WRN: variants seen among roughly 807,000 people sequenced by gnomAD.
WRN encodes bifunctional 3'-5' exonuclease/ATP-dependent helicase WRN.
WRN carries 149 observed loss-of-function variants against 180.7 expected under a neutral mutation model. The observed-to-expected ratio is 0.82, with a 90% CI of 0.72 to 0.94. The LOEUF is 0.94. WRN is among the 40% of genes least tolerant of loss of function. The pLI, the probability that WRN is intolerant of heterozygous loss-of-function variation, is 0.00. For missense variants in WRN, 1,661 were observed against 1,700.1 expected (o/e 0.98, Z 0.40); for synonymous variants, 548 against 568.9 (o/e 0.96, Z 0.52).
rs749035826 is a variant in WRN at position 31,081,120 on chromosome 8, A to C, written c.1093A>C (p.Asn365His). ...ACATGATGGAGAAGATGTACTTGGAAATAAAGTGGAACGAAAAGAAGATGG... is the reference window on the plus strand; with the variant it reads ...ACATGATGGAGAAGATGTACTTGGACATAAAGTGGAACGAAAAGAAGATGG... ...AKHDGEDVLG[N>H]KVERKEDGFE... Residue 365 changes from asparagine (N) to histidine (H), a missense_variant, in exon 9 of 35, where the codon AAT becomes CAT. This residue lies in a region of WRN where 500 missense variants were observed against 504.1 expected (regional missense o/e 0.99). Transcript: ENST00000298139. 23 of 1,613,974 alleles carry C rather than the reference A, an allele frequency of 1.4e-5. No individual in the cohort carries two copies. The East Asian group carries it at 5.1e-4, about 36-fold the overall frequency.
At chr8:31,052,159 A>C (rs1433481858) in intron 1 of WRN, among the ~76,000 whole-genome samples, 3 of 152,220 alleles carry the variant, frequency 2.0e-5, no homozygotes, top group Non-Finnish European at 4.4e-5. Context: ...AGTATGAAAA[A>C]ATATAGCCTT....
rs201870156 is a variant in WRN, at chr8:31,067,193, A to C, written c.654+11A>C. ...GCCACTGATGCTTATGTACGTGCTTAAAGATCTTTAGAAATTGTGATGTGT... is the reference window on the plus strand; with the variant it reads ...GCCACTGATGCTTATGTACGTGCTTCAAGATCTTTAGAAATTGTGATGTGT... On this transcript the variant is annotated intron_variant, in intron 6 of 34. Coordinates refer to ENST00000298139, the MANE Select transcript of WRN (RefSeq NM_000553.6). 2.5e-6 allele frequency: 4 copies of C among 1,613,184 alleles called. No individual in the cohort carries two copies. The East Asian group carries it at 6.7e-5, about 27-fold the overall frequency.
rs145184735 is a variant in WRN, at chr8:31,066,194, T to C, written c.505-839T>C. On this transcript the variant is annotated intron_variant, in intron 5 of 34. Transcript: ENST00000298139. The stretch of plus-strand genomic sequence containing the variant: ...CACCTGGCCGGCAGACAGTTTCTTT[T>C]TTTCTTTTTGAGACAGAGTCTTGCT... Among the ~76,000 whole-genome samples, 714 of 151,144 alleles carry C rather than the reference T, an allele frequency of 4.7e-3. 4 individuals carry two copies. The highest frequency in any genetic ancestry group is 0.014 in the Middle Eastern group (4 of 290).
intron 5 of WRN, 22 bp downstream of exon 5, chr8:31,065,085 T>C: frequency 6.2e-7 from 1 of 1,603,782 alleles, no homozygotes; most frequent in Non-Finnish European, 8.5e-7. Flanking sequence ...ATATATATAA[T>C]TTTCATGATG....
chr8:31,126,785 C>A (rs564185761), intron 23 of WRN, among the ~76,000 whole-genome samples: 5 of 151,944 alleles, frequency 3.3e-5, no homozygotes, highest in Non-Finnish European at 5.9e-5. Context: ...TAGAGAAAAT[C>A]AACTCAAAAG....
chr8:31,044,342 CT>C lies in WRN; in HGVS notation c.-77+10393del, dbSNP rs34518426. Among the ~76,000 whole-genome samples, 401 of 68,310 alleles carry C rather than the reference CT, an allele frequency of 5.9e-3. 2 individuals are homozygous for C. Among genetic ancestry groups the C allele is most frequent in the African/African-American group, 0.02 (373 of 18,598 alleles). 44.8% of individuals were successfully genotyped at this position (68,310 alleles called of 152,430 possible). On this transcript the variant is annotated intron_variant, in intron 1 of 34. Coordinates refer to ENST00000298139, the MANE Select transcript of WRN (RefSeq NM_000553.6). ...AGGCGTGAGCCGCTTGCCCGACCTTCTTTTTTTTTTTTTTTTTTTTTTTTGA... is the reference window on the plus strand; with the variant it reads ...AGGCGTGAGCCGCTTGCCCGACCTTCTTTTTTTTTTTTTTTTTTTTTTTGA...
At chr8:31,123,375 G>A (rs1438835992) in intron 21 of WRN, among the ~76,000 whole-genome samples, 2 of 151,980 alleles carry the variant, frequency 1.3e-5, no homozygotes, top group African/African-American at 4.8e-5. Context: ...ACTATTCTGC[G>A]GCTTCAGGCA....
At position 31,174,882 on chromosome 8, in the gene WRN, T is replaced by TTC. The variant is rs368098518; in HGVS notation, c.*1796_*1797dup. 6.7e-5 allele frequency among the ~76,000 whole-genome samples: 9 copies of TTC among 134,978 alleles called. No homozygotes were observed. Among genetic ancestry groups the TTC allele is most frequent in the East Asian group, 2.4e-4 (1 of 4,164 alleles). 88.6% of individuals were successfully genotyped at this position (134,978 alleles called of 152,430 possible). A position where few individuals can be genotyped will look rare whatever the true frequency, so the allele number is the denominator to read the frequency against. ...TTTTTCTTTCTCTTTCTTTCTTTCTTTCTCTCTCTCTCTCTCTTTCTTTCT... is the reference window on the plus strand; with the variant it reads ...TTTTTCTTTCTCTTTCTTTCTTTCTTTCTCTCTCTCTCTCTCTCTTTCTTTCT... On this transcript the variant is annotated 3_prime_UTR_variant, in exon 35 of 35. Coordinates refer to ENST00000298139, the MANE Select transcript of WRN (RefSeq NM_000553.6).
At chr8:31,168,960 G>T (rs955072751) in intron 34 of WRN, among the ~76,000 whole-genome samples, 2 of 151,928 alleles carry the variant, frequency 1.3e-5, no homozygotes, top group Non-Finnish European at 2.9e-5. Flanking sequence ...AATATCCATA[G>T]GTACATGGTG....
At chr8:31,125,903 C>G (rs1366454417) in intron 23 of WRN, among the ~76,000 whole-genome samples, 4 of 150,888 alleles carry the variant, frequency 2.7e-5, no homozygotes, top group Non-Finnish European at 1.5e-5. Flanking sequence ...GACCAAACAA[C>G]TGAGCATCAT....
chr8:31,035,246 A>G (rs1325723180), intron 1 of WRN, among the ~76,000 whole-genome samples: 2 of 152,050 alleles, frequency 1.3e-5, no homozygotes, highest in Non-Finnish European at 2.9e-5. Context: ...GTGAAAATAG[A>G]GATTAAAAAG....
At chr8:31,097,148 C>T (rs1814022250) in intron 17 of WRN, among the ~76,000 whole-genome samples, 1 of 152,090 alleles carries the variant, frequency 6.6e-6, no homozygotes, top group African/African-American at 2.4e-5. Flanking sequence ...TTATGTTTCC[C>T]CAGTGCAGTG....
chr8:31,092,886 A>G (rs1813810702), intron 16 of WRN, among the ~76,000 whole-genome samples: 1 of 152,018 alleles, frequency 6.6e-6, no homozygotes, highest in African/African-American at 2.4e-5. Context: ...ATTTGCTGTA[A>G]TGTTTCTGAG....
At chr8:31,137,278 A>G (rs1051290200) in intron 24 of WRN, among the ~76,000 whole-genome samples, 13 of 152,304 alleles carry the variant, frequency 8.5e-5, no homozygotes, top group Non-Finnish European at 1.8e-4. Context: ...CCTACTGATC[A>G]GATAAAACCT....
intron 26 of WRN, 80 bp downstream of exon 26, chr8:31,141,855 G>T (rs1802652237): frequency 7.5e-7 from 1 of 1,341,448 alleles, no homozygotes; most frequent in South Asian, 1.2e-5. Context: ...CAGTTTATAG[G>T]CCTCTCACAA....
At chr8:31,168,562 C>A (rs968226776) in intron 34 of WRN, among the ~76,000 whole-genome samples, 10 of 152,010 alleles carry the variant, frequency 6.6e-5, no homozygotes, top group East Asian at 5.8e-4. Flanking sequence ...TTGCTAGATT[C>A]TAAAAGGTAT....
At chr8:31,036,382 T>C (rs1811453880) in intron 1 of WRN, among the ~76,000 whole-genome samples, 1 of 152,226 alleles carries the variant, frequency 6.6e-6, no homozygotes, top group Admixed American at 6.5e-5. Flanking sequence ...ATATATACCC[T>C]GTAGTGGATT....
At chr8:31,159,692 C>T (rs1036803510) in intron 33 of WRN, among the ~76,000 whole-genome samples, 1 of 141,810 alleles carries the variant, frequency 7.1e-6, no homozygotes, top group Non-Finnish European at 1.6e-5. Flanking sequence ...ATAATCCTAG[C>T]ACTTTGGGAG....
intron 23 of WRN, among the ~76,000 whole-genome samples, chr8:31,126,002 A>ATATATATATATCT (rs1801920108): frequency 6.7e-6 from 1 of 149,480 alleles, no homozygotes; most frequent in African/African-American, 2.5e-5. Context: ...ATATATATCT[A>ATATATATATATCT]CTTAACAAAA....
Sources: allele counts gnomAD v4.1 joint callset (sites outside exome capture counted in the v4.1 genomes callset), GRCh38; gene constraint gnomAD v4.1.1; regional missense constraint gnomAD v4.1.1; transcripts MANE v1.5; gene names NCBI Gene and HGNC (gene_info 2026-07-23, HGNC 2026-07-21).